YBX1: variants seen among roughly 807,000 people sequenced by gnomAD.
YBX1 encodes the protein Y-box binding protein 1, also known as Y-box-binding protein 1.
Under a neutral mutation model 41.4 loss-of-function variants are expected in YBX1, and 3 were observed. That is an observed-to-expected ratio of 0.07 (90% confidence interval 0.03 to 0.19). YBX1 has a LOEUF of 0.19. Ranked by LOEUF, YBX1 falls within the 10% of genes least tolerant of loss-of-function variation. The pLI is 1.00. For synonymous variants in YBX1, 133 were observed against 165.8 expected (o/e 0.80, Z 1.52); for missense variants, 274 against 462.8 (o/e 0.59, Z 3.74).
intron 2 of YBX1, among the ~76,000 whole-genome samples, chr1:42,687,858 A>G (rs1650234954): frequency 6.6e-6 from 1 of 152,196 alleles, no homozygotes; most frequent in African/African-American, 2.4e-5. Context: ...CACATAAGTC[A>G]TGGGTAGACC....
In YBX1 at chr1:42,697,070, C is replaced by G. The variant is rs555203968; in HGVS notation, c.658-110C>G. ...AAAGGATTAATTTATAATGTAGTCA[C>G]AATTACTAGATGGTCTGTTTTGTTT... On this transcript the variant is annotated intron_variant, in intron 5 of 7. Transcript: ENST00000321358. The G allele has an allele frequency of 2.1e-4, 306 of 1,462,766 alleles. 2 individuals are homozygous for G. The South Asian group carries it at 3.8e-3, about 18-fold the overall frequency. The allele number at this position is 1,462,766 out of a possible 1,614,324, so 90.6% of individuals were successfully genotyped here. A position where few individuals can be genotyped will look rare whatever the true frequency, so the allele number is the denominator to read the frequency against.
chr1:42,689,975 T>C (rs533258278), intron 2 of YBX1, among the ~76,000 whole-genome samples: 1 of 152,300 alleles, frequency 6.6e-6, no homozygotes, highest in African/African-American at 2.4e-5. Flanking sequence ...TATTAAGTGT[T>C]TAGTGTAGTT....
intron 6 of YBX1, among the ~76,000 whole-genome samples, chr1:42,699,124 A>G (rs993691984): frequency 6.6e-6 from 1 of 152,214 alleles, no homozygotes; most frequent in Non-Finnish European, 1.5e-5. Context: ...ATGGCAGGAA[A>G]GTGACTGCTG....
In YBX1 at chr1:42,696,325, A is replaced by C; in HGVS notation, c.354+37A>C. ...TTTTGTGTAAAGGTTTGACTTCAGT[A>C]TGGAAATATTTTGGAGGTCTCATCC... On this transcript the variant is annotated intron_variant, in intron 4 of 7. Transcript: ENST00000321358. The surrounding 1 kb of genome is among the most constrained non-coding windows in gnomAD (Gnocchi z 5.7). The C allele has an allele frequency of 6.2e-7, 1 of 1,602,720 alleles. No individual in the cohort carries two copies. The highest frequency in any genetic ancestry group is 1.1e-5 in the South Asian group (1 of 90,118).
chr1:42,683,681 T>C (rs953810128), intron 2 of YBX1, among the ~76,000 whole-genome samples: 4 of 152,246 alleles, frequency 2.6e-5, no homozygotes, highest in Admixed American at 1.3e-4. Context: ...AAATATTAAT[T>C]TGAAGCTAAC....
Position 42,696,063 on chromosome 1 carries a change from A to G in YBX1, c.265-136A>G. The G allele has an allele frequency of 3.1e-6, 2 of 639,858 alleles. No individual in the cohort carries two copies. Among genetic ancestry groups the G allele is most frequent in the South Asian group, 3.3e-5 (1 of 29,880 alleles). 39.6% of individuals were successfully genotyped at this position (639,858 alleles called of 1,614,324 possible). A position where few individuals can be genotyped will look rare whatever the true frequency, so the allele number is the denominator to read the frequency against. On this transcript the variant is annotated intron_variant, in intron 3 of 7. Coordinates refer to ENST00000321358, the MANE Select transcript of YBX1 (RefSeq NM_004559.5). This position sits in a 1 kb window ranked among gnomAD's most constrained non-coding sequence, Gnocchi z 5.7. ...GTGTGGTCCCCGCTTTCCTAAATTT[A>G]TTGATGGTTTGGTCTTATTTAAAGC...
chr1:42,698,183 A>G (rs972061681), intron 6 of YBX1, among the ~76,000 whole-genome samples: 2 of 152,250 alleles, frequency 1.3e-5, no homozygotes, highest in Admixed American at 6.5e-5. Flanking sequence ...AAATTTTACC[A>G]AAGTTGGAGC....
intron 2 of YBX1, among the ~76,000 whole-genome samples, chr1:42,689,649 G>T (rs1369585478): frequency 6.6e-6 from 1 of 152,160 alleles, no homozygotes; most frequent in East Asian, 1.9e-4. Flanking sequence ...AGTAGAGTCC[G>T]GGAGTTTGGA....
intron 2 of YBX1, among the ~76,000 whole-genome samples, chr1:42,692,766 T>C (rs1271011495): frequency 2.0e-5 from 3 of 152,238 alleles, no homozygotes; most frequent in African/African-American, 4.8e-5. Flanking sequence ...CCTCGTGTTA[T>C]CACCTTAATC....
Position 42,697,188 on chromosome 1 carries a change from C to T in YBX1, c.666C>T (p.Asp222=). ...TCCATTGTCTTTTTCAGGGTGCTGA[C>T]AACCAGGGTGCAGGAGAACAAGGTA... ...PVQGEVMEGA[D]NQGAGEQGRP... Residue 222 remains aspartate (D), a synonymous_variant, in exon 6 of 8, where the codon GAC becomes GAT. Coordinates refer to ENST00000321358, the MANE Select transcript of YBX1 (RefSeq NM_004559.5). 6.2e-7 allele frequency: 1 copy of T among 1,613,700 alleles called. No homozygotes were observed. Among genetic ancestry groups the T allele is most frequent in the South Asian group, 1.1e-5 (1 of 90,982 alleles).
rs981088482 is a variant in YBX1 at position 42,682,606 on chromosome 1, C to T, written c.41C>T (p.Pro14Leu). ...EAETQQPPAA[P>L]PAAPALSAAD... ...GAGACCCAGCAGCCGCCCGCCGCCC[C>T]CCCCGCCGCCCCCGCCCTCAGCGCC... The change falls in exon 1 of 8, where the codon CCC becomes CTC. Residue 14 changes from proline (P) to leucine (L), a missense_variant. Transcript: ENST00000321358. 15 of 1,442,002 alleles carry T rather than the reference C, an allele frequency of 1.0e-5. No homozygotes were observed. The highest frequency in any genetic ancestry group is 2.5e-5 in the Admixed American group (1 of 39,880). 89.3% of individuals were successfully genotyped at this position (1,442,002 alleles called of 1,614,324 possible).
rs1650071673 is a variant in YBX1, at chr1:42,682,841, C to A, written c.166+110C>A. ...GCGCGGCCGGTGGGCACCGACTCCG[C>A]GGCGCGCGGCCGCCCATCCCCCCCG... On this transcript the variant is annotated intron_variant, in intron 1 of 7. Transcript: ENST00000321358. The A allele has an allele frequency of 6.7e-6, 4 of 596,878 alleles. No individual in the cohort carries two copies. The East Asian group carries it at 1.8e-4, about 27-fold the overall frequency. 37.0% of individuals were successfully genotyped at this position (596,878 alleles called of 1,614,324 possible).
intron 6 of YBX1, among the ~76,000 whole-genome samples, chr1:42,699,099 C>G (rs759062720): frequency 6.6e-6 from 1 of 152,056 alleles, no homozygotes; most frequent in East Asian, 1.9e-4. Context: ...GAAATGCAAT[C>G]CAGGATAACA....
chr1:42,682,463 G>C lies in YBX1; in HGVS notation c.-103G>C. The C allele has an allele frequency of 7.9e-7, 1 of 1,261,236 alleles. No individual in the cohort carries two copies. Among genetic ancestry groups the C allele is most frequent in the Non-Finnish European group, 1.0e-6 (1 of 987,750 alleles). The allele number at this position is 1,261,236 out of a possible 1,614,324, so 78.1% of individuals were successfully genotyped here. The stretch of plus-strand genomic sequence containing the variant: ...TAGCGGGAGCGGAGAGCGGACCCCA[G>C]AGAGCCCTGAGCAGCCCCACCGCCG... On this transcript the variant is annotated 5_prime_UTR_variant, in exon 1 of 8. Transcript: ENST00000321358.
intron 6 of YBX1, among the ~76,000 whole-genome samples, 158 bp from the exon 7 acceptor site, chr1:42,700,623 A>ACCC (rs1650573446): frequency 9.1e-6 from 1 of 109,930 alleles, no homozygotes; most frequent in Non-Finnish European, 1.8e-5. Context: ...CCCCCCCCCA[A>ACCC]AAAAAAAAAC....
chr1:42,683,179 TG>T, intron 1 of YBX1: 1 of 661,840 alleles, frequency 1.5e-6, no homozygotes. Flanking sequence ...ACACCCATCC[TG>T]GGGCCCGCGC....
In YBX1 at chr1:42,686,381, A is replaced by G. The variant is rs868216035; in HGVS notation, c.230+2915A>G. 1.1e-4 allele frequency among the ~76,000 whole-genome samples: 16 copies of G among 152,304 alleles called. No individual in the cohort carries two copies. The Middle Eastern group carries it at 0.014, about 130-fold the overall frequency. ...CAGGAGATAACACCAAGTAATCCAGATTATTATATTTTTAAGATCTGAACT... is the reference window on the plus strand; with the variant it reads ...CAGGAGATAACACCAAGTAATCCAGGTTATTATATTTTTAAGATCTGAACT... On this transcript the variant is annotated intron_variant, in intron 2 of 7. Transcript: ENST00000321358.
Position 42,696,702 on chromosome 1 carries a change from G to A in YBX1, c.415G>A (p.Ala139Thr). ...GGVPVQGSKY[A>T]ADRNHYRRYP... ...TGTTCCAGTTCAAGGCAGTAAATAT[G>A]CAGCAGACCGTAACCATTATAGACG... Residue 139 changes from alanine (A) to threonine (T), a missense_variant, in exon 5 of 8, where the codon GCA becomes ACA. Physicochemically the swap from Ala to Thr is moderately conservative, Grantham distance 58. Coordinates refer to ENST00000321358, the MANE Select transcript of YBX1 (RefSeq NM_004559.5). This position sits in a 1 kb window ranked among gnomAD's most constrained non-coding sequence, Gnocchi z 5.7. 6.2e-7 allele frequency: 1 copy of A among 1,610,172 alleles called. No homozygotes were observed. The highest frequency in any genetic ancestry group is 8.5e-7 in the Non-Finnish European group (1 of 1,177,604).
intron 2 of YBX1, among the ~76,000 whole-genome samples, chr1:42,689,474 T>TA (rs982795907): frequency 1.8e-4 from 27 of 152,340 alleles, no homozygotes; most frequent in African/African-American, 6.3e-4. Flanking sequence ...AGCATTTAGT[T>TA]ACGGATAAAT....
Sources: allele counts gnomAD v4.1 joint callset (sites outside exome capture counted in the v4.1 genomes callset), GRCh38; gene constraint gnomAD v4.1.1; non-coding constraint Gnocchi (gnomAD v3.1); transcripts MANE v1.5; gene names NCBI Gene and HGNC (gene_info 2026-07-23, HGNC 2026-07-21).